Variants in MAP2 observed in about 807,000 individuals in gnomAD.
MAP2 encodes microtubule-associated protein 2.
In MAP2, 14 loss-of-function variants were observed where a neutral mutation model predicts 137.6. The ratio of observed to expected loss-of-function variants is 0.10; its 90% CI spans 0.07 to 0.16. MAP2 has a LOEUF of 0.16. Ranked by LOEUF, MAP2 falls within the 10% of genes least tolerant of loss-of-function variation. The pLI is 1.00. For synonymous variants in MAP2, 786 were observed against 782.3 expected, an observed-to-expected ratio of 1.00 and a Z score of -0.08; for missense variants, 2,088 against 2,191.5, an observed-to-expected ratio of 0.95 and a Z score of 0.94.
At chr2:209,620,419 C>T (rs1037228721) in intron 3 of MAP2, among the ~76,000 whole-genome samples, 4 of 152,180 alleles carry the variant, frequency 2.6e-5, no homozygotes, top group African/African-American at 9.7e-5. Flanking sequence ...AGCTCTTAAT[C>T]CTTTCAAATT....
intron 1 of MAP2, among the ~76,000 whole-genome samples, chr2:209,426,490 T>TCTCA (rs1249138615): frequency 6.6e-6 from 1 of 152,156 alleles, no homozygotes; most frequent in Non-Finnish European, 1.5e-5. Context: ...CTGCAGCACC[T>TCTCA]CTCAGGATGA....
At chr2:209,653,770 G>A (rs10206817) in intron 5 of MAP2, among the ~76,000 whole-genome samples, 27,735 of 151,908 alleles carry the variant, frequency 0.18, 3,569 homozygotes, top group African/African-American at 0.36. Context: ...AATGACCTTG[G>A]ACCTAAATCC....
rs570523690 is a variant in MAP2, at chr2:209,731,172, T to A, written c.*775T>A. ...TCTGTTTGATACAGTATTATAGATA[T>A]AAATATATATATATTTCTCTGTGGC... On this transcript the variant is annotated 3_prime_UTR_variant, in exon 16 of 16. Coordinates refer to ENST00000682079, the MANE Select transcript of MAP2 (RefSeq NM_001375505.1). 6.6e-6 allele frequency: 1 copy of A among 152,484 alleles called. No individual in the cohort carries two copies. The highest frequency in any genetic ancestry group is 2.1e-4 in the South Asian group (1 of 4,820). The allele number at this position is 152,484 out of a possible 1,614,324, so 9.4% of individuals were successfully genotyped here. A position where few individuals can be genotyped will look rare whatever the true frequency, so the allele number is the denominator to read the frequency against.
At chr2:209,492,400 C>T (rs912119284) in intron 1 of MAP2, among the ~76,000 whole-genome samples, 2 of 152,186 alleles carry the variant, frequency 1.3e-5, no homozygotes, top group African/African-American at 4.8e-5. Context: ...TGCCCTCTCT[C>T]ACCACTCCTA....
At chr2:209,575,326 C>T (rs1359638924) in intron 2 of MAP2, among the ~76,000 whole-genome samples, 3 of 151,826 alleles carry the variant, frequency 2.0e-5, no homozygotes, top group Non-Finnish European at 4.4e-5. Context: ...TCGAGACCAT[C>T]CTGGCTAACA....
At chr2:209,484,671 C>T (rs1488032300) in intron 1 of MAP2, among the ~76,000 whole-genome samples, 1 of 152,156 alleles carries the variant, frequency 6.6e-6, no homozygotes, top group Admixed American at 6.5e-5. Flanking sequence ...ACGTGGGCAA[C>T]AGAGCAAGAT....
At chr2:209,599,845 C>T (rs2082457133) in intron 3 of MAP2, among the ~76,000 whole-genome samples, 1 of 152,070 alleles carries the variant, frequency 6.6e-6, no homozygotes, top group African/African-American at 2.4e-5. Flanking sequence ...AAATTTACCA[C>T]GCCTCAGGTG....
chr2:209,540,027 G>T (rs1376090178), intron 2 of MAP2, among the ~76,000 whole-genome samples: 5 of 150,062 alleles, frequency 3.3e-5, no homozygotes, highest in Non-Finnish European at 5.9e-5. Context: ...TTTGAGCCTG[G>T]GAGGTCGAGG....
chr2:209,497,264 T>A (rs1181535159), intron 1 of MAP2, among the ~76,000 whole-genome samples: 2 of 152,158 alleles, frequency 1.3e-5, no homozygotes, highest in Admixed American at 6.5e-5. Context: ...GGTGGCCTCA[T>A]AAGAAGAGGA....
At chr2:209,455,724 G>T (rs1259701047) in intron 1 of MAP2, among the ~76,000 whole-genome samples, 2 of 152,124 alleles carry the variant, frequency 1.3e-5, no homozygotes, top group Non-Finnish European at 2.9e-5. Context: ...GTTTTAAAAA[G>T]CCACCTTGTA....
At chr2:209,631,727 G>A (rs2093073999) in intron 4 of MAP2, among the ~76,000 whole-genome samples, 1 of 152,166 alleles carries the variant, frequency 6.6e-6, no homozygotes, top group Non-Finnish European at 1.5e-5. Context: ...AAAAGAGTAT[G>A]TGATGAAGCA....
At chr2:209,547,425 C>T (rs2068304717) in intron 2 of MAP2, among the ~76,000 whole-genome samples, 1 of 152,124 alleles carries the variant, frequency 6.6e-6, no homozygotes, top group Non-Finnish European at 1.5e-5. Context: ...TTGTAGTCAT[C>T]ATAATCTTCA....
chr2:209,717,177 T>C (rs979424916), intron 13 of MAP2, among the ~76,000 whole-genome samples: 3 of 152,168 alleles, frequency 2.0e-5, no homozygotes, highest in Admixed American at 6.5e-5. Flanking sequence ...GAGGTTTAAT[T>C]GACTCACAGT....
chr2:209,716,258 A>C lies in MAP2; in HGVS notation c.5073+6004A>C, dbSNP rs147229333. Among the ~76,000 whole-genome samples the C allele has an allele frequency of 5.8e-4, 88 of 152,356 alleles. 3 individuals carry two copies. In the East Asian group the frequency reaches 0.015, roughly 27 times the overall value. Reference sequence around the variant, plus strand: ...AGAGATGAGGTGCATTTTGTCCATAATGTCCCATACATAGTAGGTGCTCAA... The same window carrying C: ...AGAGATGAGGTGCATTTTGTCCATACTGTCCCATACATAGTAGGTGCTCAA... On this transcript the variant is annotated intron_variant, in intron 13 of 15. Coordinates refer to ENST00000682079, the MANE Select transcript of MAP2 (RefSeq NM_001375505.1).
intron 4 of MAP2, among the ~76,000 whole-genome samples, chr2:209,649,253 G>A (rs1041125688): frequency 2.6e-5 from 4 of 152,034 alleles, no homozygotes; most frequent in African/African-American, 9.7e-5. Context: ...CTGGACTCAA[G>A]CAATCCTCCC....
At chr2:209,632,890 C>G (rs1468963666) in intron 4 of MAP2, among the ~76,000 whole-genome samples, 4 of 152,224 alleles carry the variant, frequency 2.6e-5, no homozygotes, top group African/African-American at 7.2e-5. Flanking sequence ...ATTAGTTTCC[C>G]TCTTCCTGAA....
At chr2:209,445,195 C>G (rs1364821033) in intron 1 of MAP2, among the ~76,000 whole-genome samples, 1 of 151,470 alleles carries the variant, frequency 6.6e-6, no homozygotes, top group Non-Finnish European at 1.5e-5. Flanking sequence ...GCTAATAAAG[C>G]CTAATCCTAT....
intron 3 of MAP2, among the ~76,000 whole-genome samples, chr2:209,617,580 G>A (rs2153510036): frequency 6.6e-6 from 1 of 152,254 alleles, no homozygotes; most frequent in South Asian, 2.1e-4. Flanking sequence ...CTAAAGTTTG[G>A]TCAAGGAGAG....
At chr2:209,672,443 G>T (rs1038850493) in intron 5 of MAP2, among the ~76,000 whole-genome samples, 1 of 151,730 alleles carries the variant, frequency 6.6e-6, no homozygotes, top group African/African-American at 2.4e-5. Context: ...ATTTAAATAA[G>T]CACTTGATTT....
Sources: allele counts gnomAD v4.1 joint callset (sites outside exome capture counted in the v4.1 genomes callset), GRCh38; gene constraint gnomAD v4.1.1; transcripts MANE v1.5; gene names NCBI Gene and HGNC (gene_info 2026-07-23, HGNC 2026-07-21).